The following KANK1 variants were observed in gnomAD, a reference collection of about 807,000 sequenced individuals.
The protein encoded by KANK1 is KN motif and ankyrin repeat domain-containing protein 1.
Under a neutral mutation model 106.2 loss-of-function variants are expected in KANK1, and 109 were observed. That is an observed-to-expected ratio of 1.03 (90% confidence interval 0.88 to 1.20). KANK1 has a LOEUF of 1.20. KANK1 is among the 50% of genes most tolerant of loss of function. The pLI, the probability that KANK1 is intolerant of heterozygous loss-of-function variation, is 0.00. For missense variants in KANK1, 2,399 were observed against 1,710.7 expected (o/e 1.40, Z -7.10); for synonymous variants, 873 against 652.2 (o/e 1.34, Z -5.16).
chr9:669,587 T>C (rs939955901), intron 1 of KANK1, among the ~76,000 whole-genome samples: 1 of 152,174 alleles, frequency 6.6e-6, no homozygotes, highest in Non-Finnish European at 1.5e-5. Flanking sequence ...TTGAGAAGTG[T>C]GTTGCCAACT....
intron 1 of KANK1, among the ~76,000 whole-genome samples, chr9:636,360 G>C (rs1246976239): frequency 9.2e-5 from 14 of 152,152 alleles, no homozygotes; most frequent in Admixed American, 7.2e-4. Flanking sequence ...ATCATGCAGG[G>C]TATGTCCTGG....
At chr9:575,000 C>G (rs1211838226) in intron 1 of KANK1, among the ~76,000 whole-genome samples, 1 of 151,598 alleles carries the variant, frequency 6.6e-6, no homozygotes, top group African/African-American at 2.4e-5. Context: ...TCAGGTTATT[C>G]TGAATTTTGA....
intron 3 of KANK1, among the ~76,000 whole-genome samples, chr9:715,024 G>C (rs1360573699): frequency 1.3e-5 from 2 of 152,144 alleles, no homozygotes; most frequent in African/African-American, 2.4e-5. Flanking sequence ...AGTGTCTGAT[G>C]GGGCAATGAT....
intron 1 of KANK1, among the ~76,000 whole-genome samples, chr9:589,942 A>C (rs1824430910): frequency 1.3e-5 from 2 of 152,174 alleles, no homozygotes; most frequent in South Asian, 4.1e-4. Flanking sequence ...CCCCTTAGGC[A>C]TGCTGAGGAT....
At chr9:571,991 G>A (rs1819299367) in intron 1 of KANK1, among the ~76,000 whole-genome samples, 1 of 152,098 alleles carries the variant, frequency 6.6e-6, no homozygotes, top group Non-Finnish European at 1.5e-5. Flanking sequence ...GAACTTTGTG[G>A]TTGGGCATCT....
Position 738,305 on chromosome 9 carries a change from C to G in KANK1, c.3354C>G (p.Leu1118=), listed in dbSNP as rs139427332. The G allele has an allele frequency of 3.1e-6, 5 of 1,613,424 alleles. No individual in the cohort carries two copies. The highest frequency in any genetic ancestry group is 1.1e-5 in the South Asian group (1 of 90,828). Residue 1118 remains leucine, a synonymous_variant, in exon 8 of 12, where the codon CTC becomes CTG. Transcript: ENST00000382297. ...SKDMRFCLNT[L]QHEWFRVSSQ... is the part of the protein sequence containing the mutation. ...GGCAGAGGTTCTGTCTGAACACCCTCCAGCACGAGTGGTTCCGCGTGTCCA... is the reference window on the plus strand; with the variant it reads ...GGCAGAGGTTCTGTCTGAACACCCTGCAGCACGAGTGGTTCCGCGTGTCCA...
intron 1 of KANK1, among the ~76,000 whole-genome samples, chr9:633,219 A>AG (rs1836208153): frequency 6.6e-6 from 1 of 152,056 alleles, no homozygotes; most frequent in Admixed American, 6.5e-5. Context: ...GCACTTTGAG[A>AG]GCCGAGGCGG....
intron 1 of KANK1, among the ~76,000 whole-genome samples, chr9:663,583 G>A (rs969818527): frequency 6.6e-6 from 1 of 152,084 alleles, no homozygotes; most frequent in African/African-American, 2.4e-5. Context: ...ACTATCTATT[G>A]CTGCTTTCTT....
At chr9:670,949 G>GTTTTTTGTTTT (rs1845739347) in intron 1 of KANK1, among the ~76,000 whole-genome samples, 2 of 103,042 alleles carry the variant, frequency 1.9e-5, no homozygotes, top group African/African-American at 3.3e-5. Flanking sequence ...GTCTGCTGGA[G>GTTTTTTGTTTT]TTTTTTTTTT....
rs1259569485 is a variant in KANK1 at position 713,391 on chromosome 9, T to C, written c.2625T>C (p.Ser875=). 1.2e-6 allele frequency: 2 copies of C among 1,613,588 alleles called. No homozygotes were observed. Among genetic ancestry groups the C allele is most frequent in the Non-Finnish European group, 8.5e-7 (1 of 1,179,890 alleles). The change falls in exon 3 of 12, where the codon TCT becomes TCC. Residue 875 remains serine (S), a synonymous_variant. Coordinates refer to ENST00000382297, the MANE Select transcript of KANK1 (RefSeq NM_015158.5). ...TCAGCACCCTGTCGTCTATCAACTC[T>C]GTCATGAAATCTGCAAGCACTGAAG... ...QLISTLSSIN[S]VMKSASTEEL... is the part of the protein sequence containing the mutation.
chr9:506,480 C>T (rs550718420), intron 1 of KANK1, among the ~76,000 whole-genome samples: 37 of 152,156 alleles, frequency 2.4e-4, no homozygotes, highest in East Asian at 1.7e-3. Flanking sequence ...TTGCCTAGTC[C>T]ATAAATCACT....
chr9:590,004 G>T (rs766927339), intron 1 of KANK1, among the ~76,000 whole-genome samples: 3 of 152,146 alleles, frequency 2.0e-5, no homozygotes, highest in Non-Finnish European at 2.9e-5. Flanking sequence ...TGAGCTCAGT[G>T]CTAGACAGGC....
chr9:594,262 A>T (rs2641998), intron 1 of KANK1, among the ~76,000 whole-genome samples: 3 of 151,842 alleles, frequency 2.0e-5, no homozygotes, highest in Middle Eastern at 3.4e-3. Flanking sequence ...GAAGTCACAA[A>T]GCAATTAAAT....
rs757919341 is a variant in KANK1, at chr9:568,983, C to A, written c.-84+64229C>A. Among the ~76,000 whole-genome samples the A allele has an allele frequency of 1.0e-3, 154 of 152,232 alleles. 2 individuals carry two copies. The highest frequency in any genetic ancestry group is 1.2e-4 in the Non-Finnish European group (8 of 68,018). ...AGTATGTAGCTCACTGTAGACAGAG[C>A]TCCTGGGGAGGGAGGAATGGCTCTG... On this transcript the variant is annotated intron_variant, in intron 1 of 11. Coordinates refer to ENST00000382297, the MANE Select transcript of KANK1 (RefSeq NM_015158.5).
chr9:500,056 AT>A (rs1466743560), upstream of KANK1, among the ~76,000 whole-genome samples: 1 of 152,166 alleles, frequency 6.6e-6, no homozygotes, highest in East Asian at 1.9e-4. Context: ...TTGCATGGGA[AT>A]TTTATCTGCT....
intron 1 of KANK1, among the ~76,000 whole-genome samples, chr9:633,949 C>T (rs758769177): frequency 7.2e-5 from 11 of 152,194 alleles, no homozygotes; most frequent in Non-Finnish European, 1.6e-4. Context: ...CTGCACTGAG[C>T]CATAAATAGA....
At chr9:649,805 A>G (rs996781897) in intron 1 of KANK1, among the ~76,000 whole-genome samples, 7 of 152,148 alleles carry the variant, frequency 4.6e-5, no homozygotes, top group South Asian at 2.1e-4. Flanking sequence ...GAGGTGTAAA[A>G]TGCTTTTGTC....
At chr9:638,195 G>C (rs1302267700) in intron 1 of KANK1, among the ~76,000 whole-genome samples, 1 of 152,136 alleles carries the variant, frequency 6.6e-6, no homozygotes, top group Non-Finnish European at 1.5e-5. Flanking sequence ...CCCATTTTCT[G>C]TGGCTTATGA....
chr9:659,829 T>G (rs193192101), intron 1 of KANK1, among the ~76,000 whole-genome samples: 143 of 152,026 alleles, frequency 9.4e-4, no homozygotes, highest in African/African-American at 3.3e-3. Flanking sequence ...AAGATTTGGG[T>G]GGGGACACAA....
Sources: allele counts gnomAD v4.1 joint callset (sites outside exome capture counted in the v4.1 genomes callset), GRCh38; gene constraint gnomAD v4.1.1; transcripts MANE v1.5; gene names NCBI Gene and HGNC (gene_info 2026-07-23, HGNC 2026-07-21).